The following GIPC2 variants were observed in gnomAD, a reference collection of about 807,000 sequenced individuals.
The protein encoded by GIPC2 is GIPC PDZ domain containing family member 2.
A neutral mutation model predicts 30.6 loss-of-function variants in GIPC2; 30 were observed. That is an observed-to-expected ratio of 0.98 (90% confidence interval 0.73 to 1.33). The LOEUF (loss-of-function observed/expected upper bound fraction) is 1.33, where lower values mean the gene tolerates loss of function less well. Among genes scored for constraint, GIPC2 ranks in the 40% most tolerant of loss-of-function variants. The probability of loss-of-function intolerance (pLI) is 0.00; values close to 1 mark genes in which losing one functional copy is unlikely to be tolerated. For synonymous variants in GIPC2, 167 were observed against 150.0 expected (o/e 1.11, Z -0.83); for missense variants, 414 against 390.3 (o/e 1.06, Z -0.51).
At chr1:78,121,292 G>A (rs1307314534) in intron 4 of GIPC2, among the ~76,000 whole-genome samples, 5 of 152,156 alleles carry the variant, frequency 3.3e-5, no homozygotes, top group East Asian at 1.9e-4. Flanking sequence ...ATGGGATGTC[G>A]AGCAGGTGAC....
chr1:78,066,508 A>G (rs1661514299), intron 1 of GIPC2, among the ~76,000 whole-genome samples: 2 of 152,240 alleles, frequency 1.3e-5, no homozygotes, highest in Admixed American at 1.3e-4. Context: ...TAGACATACC[A>G]TTTGACCCAG....
intron 1 of GIPC2, among the ~76,000 whole-genome samples, chr1:78,058,906 A>G (rs899534283): frequency 2.0e-5 from 3 of 152,234 alleles, no homozygotes; most frequent in Admixed American, 2.0e-4. Flanking sequence ...ATGGTAACTC[A>G]TAACGTTCTG....
chr1:78,084,246 G>A (rs1432986718), intron 2 of GIPC2, among the ~76,000 whole-genome samples: 1 of 152,206 alleles, frequency 6.6e-6, no homozygotes, highest in African/African-American at 2.4e-5. Flanking sequence ...AGGCATGGTG[G>A]CTCACACCTG....
chr1:78,093,732 C>A (rs978124993), intron 2 of GIPC2, among the ~76,000 whole-genome samples: 1 of 152,094 alleles, frequency 6.6e-6, no homozygotes, highest in Non-Finnish European at 1.5e-5. Context: ...AATACACAAC[C>A]TTTATTACAC....
intron 4 of GIPC2, among the ~76,000 whole-genome samples, chr1:78,120,785 C>G (rs1662666558): frequency 6.6e-6 from 1 of 152,154 alleles, no homozygotes; most frequent in South Asian, 2.1e-4. Context: ...GAAAAACCTG[C>G]CGCCATGATT....
intron 3 of GIPC2, among the ~76,000 whole-genome samples, chr1:78,107,384 G>C (rs1662375030): frequency 1.3e-5 from 2 of 151,960 alleles, no homozygotes; most frequent in Admixed American, 6.5e-5. Flanking sequence ...GGCTCAAGCA[G>C]TATGCCAGCC....
At chr1:78,070,570 C>G (rs185114351) in intron 1 of GIPC2, among the ~76,000 whole-genome samples, 1 of 151,914 alleles carries the variant, frequency 6.6e-6, no homozygotes, top group Admixed American at 6.6e-5. Flanking sequence ...TTATTTTATT[C>G]GTTGGTTTAG....
At chr1:78,074,338 C>T (rs766387115) in intron 1 of GIPC2, among the ~76,000 whole-genome samples, 1 of 152,136 alleles carries the variant, frequency 6.6e-6, no homozygotes, top group Admixed American at 6.5e-5. Context: ...AAGCAATATT[C>T]CTGCCTCAGT....
intron 2 of GIPC2, among the ~76,000 whole-genome samples, chr1:78,082,725 G>A (rs970350461): frequency 4.6e-5 from 7 of 152,198 alleles, no homozygotes; most frequent in Non-Finnish European, 8.8e-5. Context: ...AGAAAGCAAG[G>A]CATAATCTAA....
In GIPC2 at chr1:78,107,787, C is replaced by T. The variant is rs371083532; in HGVS notation, c.608-11606C>T. ...TTGCAGTGAGCTGAGATGGTGCCAA[C>T]GCACTTCAGCCTGGGCAACAGAGTG... On this transcript the variant is annotated intron_variant, in intron 3 of 5. Coordinates refer to ENST00000370759, the MANE Select transcript of GIPC2 (RefSeq NM_017655.6). 2.0e-3 allele frequency among the ~76,000 whole-genome samples: 243 copies of T among 118,846 alleles called. 5 individuals carry two copies. The highest frequency in any genetic ancestry group is 7.5e-3 in the African/African-American group (227 of 30,256). The allele number at this position is 118,846 out of a possible 152,430, so 78.0% of individuals were successfully genotyped here.
intron 1 of GIPC2, among the ~76,000 whole-genome samples, chr1:78,080,005 C>T (rs1460687072): frequency 1.3e-5 from 2 of 152,044 alleles, no homozygotes; most frequent in Non-Finnish European, 2.9e-5. Context: ...CCCCCTCCCC[C>T]CTTTTTAAAT....
At chr1:78,074,683 T>C (rs1661682986) in intron 1 of GIPC2, among the ~76,000 whole-genome samples, 1 of 152,244 alleles carries the variant, frequency 6.6e-6, no homozygotes. Flanking sequence ...ATTATTTTCA[T>C]CTCTTACGTT....
intron 4 of GIPC2, among the ~76,000 whole-genome samples, chr1:78,124,843 T>C (rs919987119): frequency 6.6e-6 from 1 of 151,848 alleles, no homozygotes; most frequent in Non-Finnish European, 1.5e-5. Flanking sequence ...CCGTCTCTAC[T>C]AAAAAAATAC....
chr1:78,112,569 G>A, intron 3 of GIPC2: 1 of 518,810 alleles, frequency 1.9e-6, no homozygotes, highest in South Asian at 1.4e-5. Context: ...CCAGAACAAG[G>A]CCTCGTTCTG....
At position 78,136,608 on chromosome 1, in the gene GIPC2, C is replaced by CTTTTTTTTTTTT. The variant is rs56230848; in HGVS notation, c.*875_*886dup. On this transcript the variant is annotated 3_prime_UTR_variant, in exon 6 of 6. Coordinates refer to ENST00000370759, the MANE Select transcript of GIPC2 (RefSeq NM_017655.6). ...TACTCAAAATAACTATGCTTTAGAA[C>CTTTTTTTTTTTT]TTTTTTTTTTTTTTTTTTTTTGGTT... 2.0e-5 allele frequency: 2 copies of CTTTTTTTTTTTT among 101,960 alleles called. No individual in the cohort carries two copies. Among genetic ancestry groups the CTTTTTTTTTTTT allele is most frequent in the Admixed American group, 1.1e-4 (1 of 8,908 alleles). 6.3% of individuals were successfully genotyped at this position (101,960 alleles called of 1,614,324 possible).
chr1:78,130,955 A>C (rs1662882288), intron 5 of GIPC2, among the ~76,000 whole-genome samples: 1 of 152,124 alleles, frequency 6.6e-6, no homozygotes, highest in African/African-American at 2.4e-5. Flanking sequence ...TGGCCACTAG[A>C]GGTCAGCACT....
intron 4 of GIPC2, among the ~76,000 whole-genome samples, chr1:78,120,128 T>C (rs902870149): frequency 6.6e-6 from 1 of 152,266 alleles, no homozygotes; most frequent in Admixed American, 6.5e-5. Flanking sequence ...AGAGAAATTA[T>C]GTCACTTTTC....
At chr1:78,054,685 C>G (rs1200793148) in intron 1 of GIPC2, among the ~76,000 whole-genome samples, 1 of 152,192 alleles carries the variant, frequency 6.6e-6, no homozygotes, top group South Asian at 2.1e-4. Flanking sequence ...GCACCAGCCT[C>G]ATTTTTATAT....
chr1:78,131,368 C>T (rs959313954), intron 5 of GIPC2, among the ~76,000 whole-genome samples: 16 of 152,128 alleles, frequency 1.1e-4, no homozygotes, highest in Admixed American at 4.6e-4. Context: ...GCCACCACGA[C>T]CAGCTAATTT....
Sources: gnomAD v4.1 joint callset for allele counts (sites outside exome capture counted in the v4.1 genomes callset) on GRCh38, gnomAD v4.1.1 for gene constraint, MANE v1.5 for transcripts, NCBI Gene and HGNC (gene_info 2026-07-23, HGNC 2026-07-21) for gene names.